RUBCN: variants seen among roughly 807,000 people sequenced by gnomAD.
The protein encoded by RUBCN is run domain Beclin-1-interacting and cysteine-rich domain-containing protein.
RUBCN carries 74 observed loss-of-function variants against 113.2 expected under a neutral mutation model. The observed-to-expected ratio is 0.65, with a 90% CI of 0.54 to 0.79. RUBCN has a LOEUF of 0.79. Among genes scored for constraint, RUBCN ranks in the 30% least tolerant of loss-of-function variants. RUBCN has a pLI of 0.00. For missense variants in RUBCN, 1,109 were observed against 1,251.7 expected (o/e 0.89, Z 1.72); for synonymous variants, 480 against 490.0 (o/e 0.98, Z 0.27).
chr3:197,711,047 A>G (rs1724909028), intron 2 of RUBCN, among the ~76,000 whole-genome samples: 1 of 152,206 alleles, frequency 6.6e-6, no homozygotes, highest in African/African-American at 2.4e-5. Context: ...GCTGGTCTCA[A>G]ACTCCTGACC....
At position 197,727,988 on chromosome 3, in the gene RUBCN, G is replaced by A. The variant is rs145250296; in HGVS notation, c.65+8667C>T. Among the ~76,000 whole-genome samples, 777 of 152,374 alleles carry A rather than the reference G, an allele frequency of 5.1e-3. 9 individuals are homozygous for A. The highest frequency in any genetic ancestry group is 0.018 in the African/African-American group (738 of 41,576). The stretch of plus-strand genomic sequence containing the variant: ...AGGTAAAAGGCACGCTGGGCACAGC[G>A]GTACATGCCTGTAGTCCCAGCTCCT... On this transcript the variant is annotated intron_variant, in intron 1 of 19. Transcript: ENST00000296343.
rs1236628112 is a variant in RUBCN, at chr3:197,701,164, A to G, written c.728-18T>C. 1 of 1,513,280 alleles carries G rather than the reference A, an allele frequency of 6.6e-7. No homozygotes were observed. Among genetic ancestry groups the G allele is most frequent in the East Asian group, 2.3e-5 (1 of 44,078 alleles). The allele number at this position is 1,513,280 out of a possible 1,614,324, so 93.7% of individuals were successfully genotyped here. ...TCTTCTCTCTAGAATATAAAAGGAAATGGTAAGGGGAGCAAGGGTGAGGTG... is the reference window on the plus strand; with the variant it reads ...TCTTCTCTCTAGAATATAAAAGGAAGTGGTAAGGGGAGCAAGGGTGAGGTG... On this transcript the variant is annotated intron_variant, in intron 6 of 19. Transcript: ENST00000296343.
At chr3:197,693,647 G>A (rs1037469265) in intron 11 of RUBCN, 68 bp downstream of exon 11, 26 of 1,064,348 alleles carry the variant, frequency 2.4e-5, no homozygotes, top group Middle Eastern at 2.0e-4. Flanking sequence ...GAAACACTTC[G>A]CAGCTTATCA....
chr3:197,735,169 G>A (rs1205172795), intron 1 of RUBCN, among the ~76,000 whole-genome samples: 1 of 152,226 alleles, frequency 6.6e-6, no homozygotes, highest in African/African-American at 2.4e-5. Context: ...ACGTGGCGGG[G>A]GAGAATTGCT....
rs2108876113 is a variant in RUBCN at position 197,691,218 on chromosome 3, T to C, written c.1786+2497A>G. ...GGAAATAAACTAATATTCTATACCA[T>C]ATGTTCCTGGAATCAAAACTTGCCA... On this transcript the variant is annotated intron_variant, in intron 11 of 19. Transcript: ENST00000296343. 3.6e-6 allele frequency: 3 copies of C among 832,890 alleles called. No homozygotes were observed. In the South Asian group the frequency reaches 4.2e-5, roughly 12 times the overall value. 51.6% of individuals were successfully genotyped at this position (832,890 alleles called of 1,614,324 possible).
rs186730025 is a variant in RUBCN at position 197,744,075 on chromosome 3, T to C, written c.-116+5194A>G. 1.6e-3 allele frequency among the ~76,000 whole-genome samples: 244 copies of C among 151,634 alleles called. 1 individual carries two copies. The highest frequency in any genetic ancestry group is 2.8e-3 in the Non-Finnish European group (191 of 67,908). Reference sequence around the variant, plus strand: ...TCTATATATCATATAATATAAATTATACCATACTTCTTTAATATACCAGTA... The same window carrying C: ...TCTATATATCATATAATATAAATTACACCATACTTCTTTAATATACCAGTA... On this transcript the variant is annotated intron_variant, in intron 1 of 20. Coordinates refer to the RUBCN transcript ENST00000273582.
At chr3:197,738,687 T>C (rs1334007074), upstream of RUBCN, among the ~76,000 whole-genome samples, 1 of 151,894 alleles carries the variant, frequency 6.6e-6, no homozygotes, top group Non-Finnish European at 1.5e-5. Flanking sequence ...CTCAAGCGGA[T>C]CCTCTCACCT....
At chr3:197,709,600 A>C (rs1196815123) in intron 2 of RUBCN, among the ~76,000 whole-genome samples, 1 of 151,812 alleles carries the variant, frequency 6.6e-6, no homozygotes, top group Non-Finnish European at 1.5e-5. Flanking sequence ...GGCTGGTCTC[A>C]AACTCCCCAC....
intron 1 of RUBCN, among the ~76,000 whole-genome samples, chr3:197,746,375 G>A (rs1728745852): frequency 6.6e-6 from 1 of 152,072 alleles, no homozygotes; most frequent in Admixed American, 6.5e-5. Context: ...ATGTTCTCAG[G>A]GGTCTTATCT....
At position 197,694,442 on chromosome 3, in the gene RUBCN, G is replaced by A; in HGVS notation, c.1617C>T (p.Ile539=). The A allele has an allele frequency of 6.2e-7, 1 of 1,614,178 alleles. No individual in the cohort carries two copies. The highest frequency in any genetic ancestry group is 8.5e-7 in the Non-Finnish European group (1 of 1,180,038). Residue 539 remains isoleucine (I), a synonymous_variant, in exon 10 of 20, where the codon ATC becomes ATT. Transcript: ENST00000296343. Reference sequence around the variant, plus strand: ...TGCGGATTTGCTGGCGCCGAAGGCGGATCTTCTGCTTCAGCTCCTGGATCT... The same window carrying A: ...TGCGGATTTGCTGGCGCCGAAGGCGAATCTTCTGCTTCAGCTCCTGGATCT... ...DREIQELKQK[I]RLRRQQIRTK...
chr3:197,749,733 G>A (rs1469798568), upstream of RUBCN: 10 of 614,440 alleles, frequency 1.6e-5, no homozygotes, highest in Non-Finnish European at 3.0e-5. Flanking sequence ...CTAGCACAGC[G>A]GCTGCAATGC....
chr3:197,682,395 TGG>T, intron 14 of RUBCN, 73 bp downstream of exon 14: 1 of 1,560,874 alleles, frequency 6.4e-7, no homozygotes, highest in Non-Finnish European at 8.8e-7. Flanking sequence ...CAGGGACAAG[TGG>T]GTGAGACGAA....
At chr3:197,749,607 G>A (rs1728919444) in exon 1 of RUBCN, 2 of 1,108,234 alleles carry the variant, frequency 1.8e-6, no homozygotes, top group African/African-American at 3.2e-5. Flanking sequence ...GGAGGGACTC[G>A]AAGGACACGG....
intron 2 of RUBCN, 22 bp downstream of exon 2, chr3:197,717,955 C>CA (rs1300048362): frequency 1.2e-6 from 2 of 1,612,554 alleles, no homozygotes; most frequent in African/African-American, 2.7e-5. Flanking sequence ...GCCAATCTGG[C>CA]AAAAAAAGGA....
intron 5 of RUBCN, among the ~76,000 whole-genome samples, chr3:197,702,218 C>G (rs1254073403): frequency 6.6e-6 from 1 of 152,242 alleles, no homozygotes; most frequent in Non-Finnish European, 1.5e-5. Context: ...GACCACGTAT[C>G]TACTCTGTGC....
rs1031597646 is a variant in RUBCN at position 197,682,930 on chromosome 3, C to G, written c.1981-315G>C. 2.0e-5 allele frequency among the ~76,000 whole-genome samples: 3 copies of G among 152,342 alleles called. 1 individual carries two copies. The highest frequency in any genetic ancestry group is 6.8e-3 in the Middle Eastern group (2 of 294). The stretch of plus-strand genomic sequence containing the variant: ...ACAGCCTACCAGGGCAGTGGCCCCA[C>G]GGCTCATGCTGTCCCTGCACCCATC... On this transcript the variant is annotated intron_variant, in intron 13 of 19. Coordinates refer to ENST00000296343, the MANE Select transcript of RUBCN (RefSeq NM_014687.4).
rs71166707 is a variant in RUBCN, at chr3:197,730,885, C to CTTTT, written c.65+5766_65+5769dup. On this transcript the variant is annotated intron_variant, in intron 1 of 19. Transcript: ENST00000296343. ...TTTTTTTTTCATATTTTAAAAGCATCTTTTTTTTTTTTTTTTTTTTTTTTT... is the reference window on the plus strand; with the variant it reads ...TTTTTTTTTCATATTTTAAAAGCATCTTTTTTTTTTTTTTTTTTTTTTTTTTTTT... 9.3e-3 allele frequency among the ~76,000 whole-genome samples: 467 copies of CTTTT among 49,962 alleles called. 21 individuals carry two copies. The highest frequency in any genetic ancestry group is 0.011 in the Non-Finnish European group (321 of 28,052). 32.8% of individuals were successfully genotyped at this position (49,962 alleles called of 152,430 possible).
chr3:197,675,186 C>T lies in RUBCN; in HGVS notation c.2751G>A (p.Ala917=), dbSNP rs200116207. 1,399 of 1,614,086 alleles carry T rather than the reference C, an allele frequency of 8.7e-4. No homozygotes were observed. Among genetic ancestry groups the T allele is most frequent in the East Asian group, 3.9e-3 (173 of 44,880 alleles). Reference sequence around the variant, plus strand: ...ACTTGAAGCAGGCTTTATGGTAACACGCTTTACACTCTACTCAGGTTGGGA... The same window carrying T: ...ACTTGAAGCAGGCTTTATGGTAACATGCTTTACACTCTACTCAGGTTGGGA... ...HKCRTCEECK[A]CYHKACFKSG... is the part of the protein sequence containing the mutation. The change falls in exon 20 of 20, where the codon GCG becomes GCA. Residue 917 remains alanine (A), a synonymous_variant. Transcript: ENST00000296343. This position sits in a 1 kb window ranked among gnomAD's most constrained non-coding sequence, Gnocchi z 4.4.
intron 1 of RUBCN, among the ~76,000 whole-genome samples, chr3:197,718,575 G>A (rs1220123136): frequency 8.6e-5 from 13 of 151,798 alleles, no homozygotes; most frequent in Non-Finnish European, 1.6e-4. Flanking sequence ...TCAACCTCCC[G>A]AGTAGCTGGG....
Sources: allele counts gnomAD v4.1 joint callset (sites outside exome capture counted in the v4.1 genomes callset), GRCh38; gene constraint gnomAD v4.1.1; non-coding constraint Gnocchi (gnomAD v3.1); transcripts MANE v1.5; gene names NCBI Gene and HGNC (gene_info 2026-07-23, HGNC 2026-07-21).